CNTN4: variants seen among roughly 807,000 people sequenced by gnomAD.
CNTN4 encodes the protein contactin-4.
A neutral mutation model predicts 122.5 loss-of-function variants in CNTN4; 77 were observed. That is an observed-to-expected ratio of 0.63 (90% CI 0.52 to 0.76). The LOEUF (loss-of-function observed/expected upper bound fraction) is 0.76, where lower values mean the gene tolerates loss of function less well. Among genes scored for constraint, CNTN4 ranks in the 30% least tolerant of loss-of-function variants. CNTN4 has a pLI of 0.00. For synonymous variants in CNTN4, 512 were observed against 447.0 expected (o/e 1.15, Z -1.83); for missense variants, 1,256 against 1,259.1 (o/e 1.00, Z 0.04).
At chr3:2,990,254 T>C in intron 14 of CNTN4, among the ~76,000 whole-genome samples, 1 of 152,194 alleles carries the variant, frequency 6.6e-6, no homozygotes, top group East Asian at 1.9e-4. Flanking sequence ...ACCTAAGAAA[T>C]ATTAGTATTT....
intron 2 of CNTN4, among the ~76,000 whole-genome samples, chr3:2,189,485 G>A (rs866777822): frequency 6.6e-6 from 1 of 152,164 alleles, no homozygotes; most frequent in Non-Finnish European, 1.5e-5. Context: ...GGAATAGAGA[G>A]GGTCAGTGTT....
chr3:2,722,921 A>G (rs1275622017), intron 4 of CNTN4, among the ~76,000 whole-genome samples: 1 of 152,218 alleles, frequency 6.6e-6, no homozygotes, highest in Non-Finnish European at 1.5e-5. Flanking sequence ...ACAACTTTGT[A>G]ATTTGAAAGA....
At chr3:2,387,220 A>G (rs571811472) in intron 3 of CNTN4, among the ~76,000 whole-genome samples, 18 of 152,326 alleles carry the variant, frequency 1.2e-4, no homozygotes, top group African/African-American at 2.6e-4. Context: ...GACACAGTCT[A>G]TTTTGCTGTA....
At chr3:3,032,195 T>A (rs193203019) in intron 16 of CNTN4, among the ~76,000 whole-genome samples, 2 of 152,220 alleles carry the variant, frequency 1.3e-5, no homozygotes, top group Non-Finnish European at 2.9e-5. Flanking sequence ...GAATAACTTA[T>A]AGAAATGTGT....
At chr3:2,256,237 C>G (rs1254861009) in intron 2 of CNTN4, among the ~76,000 whole-genome samples, 1 of 152,072 alleles carries the variant, frequency 6.6e-6, no homozygotes, top group African/African-American at 2.4e-5. Flanking sequence ...CAAGACTAAA[C>G]CAGGAAGAAG....
intron 4 of CNTN4, among the ~76,000 whole-genome samples, chr3:2,729,376 AAC>A (rs1301610530): frequency 6.7e-6 from 1 of 148,828 alleles, no homozygotes; most frequent in Non-Finnish European, 1.5e-5. Flanking sequence ...CATCCCGGCT[AAC>A]ACAAAATTAA....
chr3:3,037,036 G>A (rs150506584), intron 17 of CNTN4, 143 bp from the exon 18 acceptor site: 10 of 935,382 alleles, frequency 1.1e-5, no homozygotes, highest in East Asian at 2.4e-5. Context: ...AACAACTGTT[G>A]ATGCAGCTAA....
Position 3,053,924 on chromosome 3 carries a change from G to T in CNTN4, c.2929G>T (p.Asp977Tyr). Residue 977 changes from aspartate to tyrosine, a missense_variant, in exon 24 of 25, where the codon GAC becomes TAC. Physicochemically the swap from Asp to Tyr is radical, Grantham distance 160. Coordinates refer to ENST00000418658, the MANE Select transcript of CNTN4 (RefSeq NM_175607.3). ...TATAATAGAAATTAAGCCATTCAGC[G>T]ACGGAGGAGATGGCAGCAGCAGTGA... ...DYIIEIKPFS[D>Y]GGDGSSSEQI... The T allele has an allele frequency of 1.9e-6, 3 of 1,614,142 alleles. No homozygotes were observed. The highest frequency in any genetic ancestry group is 2.5e-6 in the Non-Finnish European group (3 of 1,179,998).
chr3:2,569,060 C>G (rs2079305124), intron 3 of CNTN4, among the ~76,000 whole-genome samples: 1 of 152,132 alleles, frequency 6.6e-6, no homozygotes, highest in South Asian at 2.1e-4. Context: ...CTAAAATGGC[C>G]TAATCACCAT....
At chr3:2,761,575 G>C (rs1470230843) in intron 6 of CNTN4, among the ~76,000 whole-genome samples, 6 of 151,808 alleles carry the variant, frequency 4.0e-5, no homozygotes, top group Admixed American at 3.9e-4. Flanking sequence ...TATTTATTAT[G>C]CTATATGATA....
chr3:2,746,351 TA>T (rs1198871659), intron 6 of CNTN4, among the ~76,000 whole-genome samples: 1 of 152,052 alleles, frequency 6.6e-6, no homozygotes, highest in African/African-American at 2.4e-5. Context: ...TTAAAATGTT[TA>T]AAAAAACAAA....
chr3:2,407,316 A>G lies in CNTN4; in HGVS notation c.-89+68083A>G, dbSNP rs529420340. Among the ~76,000 whole-genome samples the G allele has an allele frequency of 2.6e-5, 4 of 152,302 alleles. No homozygotes were observed. The East Asian group carries it at 7.7e-4, about 29-fold the overall frequency. ...ATCAGTTGTCAAATACCTTCTGAGA[A>G]ACCCAAATATACTTAAAGAATCATG... On this transcript the variant is annotated intron_variant, in intron 3 of 24. Transcript: ENST00000418658.
At chr3:2,182,992 A>G (rs1274463412) in intron 2 of CNTN4, among the ~76,000 whole-genome samples, 2 of 152,148 alleles carry the variant, frequency 1.3e-5, no homozygotes, top group Non-Finnish European at 2.9e-5. Context: ...CTATATCCAT[A>G]TGGTAGGAAG....
intron 13 of CNTN4, among the ~76,000 whole-genome samples, chr3:2,932,910 C>A (rs1367940271): frequency 1.3e-5 from 2 of 152,076 alleles, no homozygotes; most frequent in Non-Finnish European, 2.9e-5. Flanking sequence ...GCGAGCTCCG[C>A]CTCCCGGGTT....
At chr3:2,848,401 A>G (rs1224934979) in intron 7 of CNTN4, among the ~76,000 whole-genome samples, 1 of 152,214 alleles carries the variant, frequency 6.6e-6, no homozygotes, top group Non-Finnish European at 1.5e-5. Context: ...TGTTTTCAAT[A>G]GAATTGAGAA....
At chr3:2,212,357 C>T (rs1019966828) in intron 2 of CNTN4, among the ~76,000 whole-genome samples, 6 of 152,108 alleles carry the variant, frequency 3.9e-5, no homozygotes, top group Non-Finnish European at 5.9e-5. Flanking sequence ...TAAAGACATA[C>T]GCAAGACTGG....
chr3:2,582,270 A>G (rs1217731489), intron 4 of CNTN4, among the ~76,000 whole-genome samples: 1 of 152,240 alleles, frequency 6.6e-6, no homozygotes, highest in Non-Finnish European at 1.5e-5. Flanking sequence ...TCCCTGATAC[A>G]TGATAAACAG....
At chr3:2,586,922 T>C (rs977455951) in intron 4 of CNTN4, among the ~76,000 whole-genome samples, 3 of 152,314 alleles carry the variant, frequency 2.0e-5, no homozygotes, top group East Asian at 1.9e-4. Flanking sequence ...TACTCTGGTA[T>C]GTTCTTTCTC....
chr3:2,339,051 T>C (rs535960429), intron 2 of CNTN4, 127 bp from the exon 3 acceptor site: 2 of 152,308 alleles, frequency 1.3e-5, no homozygotes, highest in South Asian at 4.1e-4. Flanking sequence ...ATTTAATTTT[T>C]ACTTTGTCCT....
Sources: allele counts gnomAD v4.1 joint callset (sites outside exome capture counted in the v4.1 genomes callset), GRCh38; gene constraint gnomAD v4.1.1; transcripts MANE v1.5; gene names NCBI Gene and HGNC (gene_info 2026-07-23, HGNC 2026-07-21).